FOXJ3: variants seen among roughly 807,000 people sequenced by gnomAD.
The protein encoded by FOXJ3 is forkhead box protein J3.
A neutral mutation model predicts 76.1 loss-of-function variants in FOXJ3; 22 were observed. The observed-to-expected ratio is 0.29, with a 90% CI of 0.21 to 0.41. FOXJ3 has a LOEUF of 0.41. Among genes scored for constraint, FOXJ3 ranks in the 10% least tolerant of loss-of-function variants. The pLI, the probability that FOXJ3 is intolerant of heterozygous loss-of-function variation, is 1.00. For synonymous variants in FOXJ3, 269 were observed against 261.2 expected (o/e 1.03, Z -0.29); for missense variants, 613 against 762.1 (o/e 0.80, Z 2.30).
chr1:42,329,941 A>C (rs2487586), intron 1 of FOXJ3, among the ~76,000 whole-genome samples: 26,565 of 152,020 alleles, frequency 0.17, 2,468 homozygotes, highest in Admixed American at 0.25. Flanking sequence ...GAGTTCTGAA[A>C]ATAGACTACA....
intron 4 of FOXJ3, among the ~76,000 whole-genome samples, chr1:42,259,159 CTA>C (rs1316536390): frequency 1.3e-5 from 2 of 152,132 alleles, no homozygotes; most frequent in Admixed American, 1.3e-4. Flanking sequence ...AGGCCATGTA[CTA>C]TATGAGTCCC....
rs1319604528 is a variant in FOXJ3 at position 42,324,180 on chromosome 1, ATT to A, written c.-18+10877_-18+10878del. On this transcript the variant is annotated intron_variant, in intron 1 of 12. Coordinates refer to ENST00000361346, the MANE Select transcript of FOXJ3 (RefSeq NM_014947.5). ...CACTGTGTATATATAGTATATATAA[ATT>A]CTAGGAATATATATACTATATATAT... 2.6e-3 allele frequency among the ~76,000 whole-genome samples: 246 copies of A among 95,852 alleles called. 1 individual carries two copies. The highest frequency in any genetic ancestry group is 8.1e-3 in the African/African-American group (231 of 28,586). 62.9% of individuals were successfully genotyped at this position (95,852 alleles called of 152,430 possible). A position where few individuals can be genotyped will look rare whatever the true frequency, so the allele number is the denominator to read the frequency against.
chr1:42,270,575 C>T (rs1303637900), intron 3 of FOXJ3, among the ~76,000 whole-genome samples: 1 of 152,126 alleles, frequency 6.6e-6, no homozygotes, highest in South Asian at 2.1e-4. Context: ...TGGGTAGTCC[C>T]CATCTCCCAT....
At chr1:42,253,784 C>T (rs1253679468) in intron 4 of FOXJ3, among the ~76,000 whole-genome samples, 54 of 151,942 alleles carry the variant, frequency 3.6e-4, no homozygotes, top group Non-Finnish European at 3.0e-5. Flanking sequence ...AACTGGATCC[C>T]TTCCTTACAC....
intron 2 of FOXJ3, among the ~76,000 whole-genome samples, chr1:42,291,725 A>T (rs1262651008): frequency 6.6e-6 from 1 of 152,092 alleles, no homozygotes; most frequent in Admixed American, 6.5e-5. Context: ...GGCTGCAGTG[A>T]GCTATGATCA....
intron 2 of FOXJ3, among the ~76,000 whole-genome samples, chr1:42,307,240 A>T (rs1441272577): frequency 1.3e-5 from 2 of 152,154 alleles, no homozygotes; most frequent in African/African-American, 4.8e-5. Flanking sequence ...CTTCATCATA[A>T]ACCACTGAGA....
chr1:42,217,118 T>C (rs1238764007), intron 5 of FOXJ3, among the ~76,000 whole-genome samples: 1 of 152,080 alleles, frequency 6.6e-6, no homozygotes, highest in Non-Finnish European at 1.5e-5. Flanking sequence ...TTATGACAAA[T>C]CGCAAGAGGC....
At chr1:42,255,285 G>T (rs912789813) in intron 4 of FOXJ3, among the ~76,000 whole-genome samples, 7 of 152,124 alleles carry the variant, frequency 4.6e-5, no homozygotes, top group African/African-American at 1.7e-4. Flanking sequence ...GAAGTGGAGG[G>T]TAGTATAATA....
chr1:42,247,190 GATAA>G (rs1419522236), intron 4 of FOXJ3, among the ~76,000 whole-genome samples: 3 of 152,084 alleles, frequency 2.0e-5, no homozygotes, highest in African/African-American at 7.2e-5. Context: ...ACATTAAAAT[GATAA>G]ATACTTAAGG....
intron 12 of FOXJ3, among the ~76,000 whole-genome samples, chr1:42,181,510 G>A (rs1646318325): frequency 1.3e-5 from 2 of 152,184 alleles, no homozygotes; most frequent in African/African-American, 4.8e-5. Context: ...CCTCAACTAT[G>A]ACCCCAGGAC....
chr1:42,207,462 C>T (rs1646883004), intron 5 of FOXJ3, among the ~76,000 whole-genome samples: 1 of 152,096 alleles, frequency 6.6e-6, no homozygotes, highest in Non-Finnish European at 1.5e-5. Flanking sequence ...TGTGATAACT[C>T]CTCTCTCTAA....
intron 4 of FOXJ3, among the ~76,000 whole-genome samples, chr1:42,253,963 G>A (rs1650344045): frequency 2.0e-5 from 3 of 150,456 alleles, no homozygotes; most frequent in African/African-American, 4.9e-5. Context: ...ATTGACAAAT[G>A]GGATCTAATT....
At chr1:42,328,184 C>T (rs981975839) in intron 1 of FOXJ3, among the ~76,000 whole-genome samples, 2 of 152,094 alleles carry the variant, frequency 1.3e-5, no homozygotes, top group Non-Finnish European at 2.9e-5. Context: ...TAGTCCCAGC[C>T]ACTTGTGGCG....
At chr1:42,234,376 G>A (rs563037306) in intron 4 of FOXJ3, among the ~76,000 whole-genome samples, 8 of 151,876 alleles carry the variant, frequency 5.3e-5, no homozygotes, top group South Asian at 2.1e-4. Flanking sequence ...TAGTTTGATC[G>A]TCTGAAGCCT....
At chr1:42,329,615 T>C (rs1285733176) in intron 1 of FOXJ3, among the ~76,000 whole-genome samples, 1 of 152,178 alleles carries the variant, frequency 6.6e-6, no homozygotes, top group African/African-American at 2.4e-5. Context: ...TTCTGAATAG[T>C]GGCAATGTGG....
chr1:42,191,050 G>GTAAGATAATGTAAGATAATTATAATT (rs145400915), intron 9 of FOXJ3, among the ~76,000 whole-genome samples: 39,386 of 152,012 alleles, frequency 0.26, 5,216 homozygotes, highest in South Asian at 0.32. Context: ...GTAAGATAAT[G>GTAAGATAATGTAAGATAATTATAATT]TATCTAAATT....
intron 1 of FOXJ3, among the ~76,000 whole-genome samples, chr1:42,332,960 G>C (rs1240448109): frequency 6.6e-6 from 1 of 152,130 alleles, no homozygotes; most frequent in Non-Finnish European, 1.5e-5. Context: ...AACAGAAAAA[G>C]AAACTCTGTT....
intron 4 of FOXJ3, 191 bp downstream of exon 4, chr1:42,264,924 C>A: frequency 3.5e-6 from 2 of 573,570 alleles, no homozygotes; most frequent in South Asian, 4.1e-5. Context: ...TACAACAGCA[C>A]TGTGGTGTGC....
intron 4 of FOXJ3, among the ~76,000 whole-genome samples, chr1:42,240,581 G>A (rs1268531528): frequency 1.3e-5 from 2 of 152,176 alleles, no homozygotes; most frequent in African/African-American, 4.8e-5. Flanking sequence ...TGGTCAAATT[G>A]TTTTCCACAG....
Sources: gnomAD v4.1 joint callset for allele counts (sites outside exome capture counted in the v4.1 genomes callset) on GRCh38, gnomAD v4.1.1 for gene constraint, MANE v1.5 for transcripts, NCBI Gene and HGNC (gene_info 2026-07-23, HGNC 2026-07-21) for gene names.